The following TNFRSF11A variants were observed in gnomAD, a reference collection of about 807,000 sequenced individuals.
The protein encoded by TNFRSF11A is tumor necrosis factor receptor superfamily member 11A.
Under a neutral mutation model 55.7 loss-of-function variants are expected in TNFRSF11A, and 32 were observed. The ratio of observed to expected loss-of-function variants is 0.57; its 90% CI spans 0.43 to 0.77. TNFRSF11A has a LOEUF of 0.77. Ranked by LOEUF, TNFRSF11A falls within the 30% of genes least tolerant of loss-of-function variation. TNFRSF11A has a pLI of 0.00. For synonymous variants in TNFRSF11A, 311 were observed against 331.0 expected (o/e 0.94, Z 0.65); for missense variants, 753 against 809.8 (o/e 0.93, Z 0.85).
intron 1 of TNFRSF11A, among the ~76,000 whole-genome samples, chr18:62,328,747 G>T (rs2046110053): frequency 6.6e-6 from 1 of 152,196 alleles, no homozygotes; most frequent in Non-Finnish European, 1.5e-5. Context: ...CTTGTTTGGG[G>T]AGCACAGACA....
chr18:62,347,230 T>C (rs4500848), intron 1 of TNFRSF11A, among the ~76,000 whole-genome samples: 142,737 of 152,242 alleles, frequency 0.94, 67,132 homozygotes, highest in African/African-American at 0.99. Flanking sequence ...GCAAGTGTGG[T>C]GTGCATACGT....
intron 1 of TNFRSF11A, among the ~76,000 whole-genome samples, chr18:62,344,541 T>C (rs959365416): frequency 2.6e-5 from 4 of 152,252 alleles, no homozygotes; most frequent in African/African-American, 9.6e-5. Flanking sequence ...GAACATGTTT[T>C]TATCAAATGA....
chr18:62,341,835 G>GTTTTTT (rs1568475429), intron 1 of TNFRSF11A, among the ~76,000 whole-genome samples: 1 of 68,852 alleles, frequency 1.5e-5, no homozygotes, highest in Non-Finnish European at 2.5e-5. Flanking sequence ...GCTGAGAATG[G>GTTTTTT]CTTTTTTTTT....
chr18:62,337,992 G>A (rs887578255), intron 1 of TNFRSF11A, among the ~76,000 whole-genome samples: 4 of 152,084 alleles, frequency 2.6e-5, no homozygotes, highest in African/African-American at 7.2e-5. Flanking sequence ...CTATGAAAAC[G>A]GACAAAGGAC....
At position 62,389,941 on chromosome 18, in the gene TNFRSF11A, G is replaced by C. The variant is rs1911931745; in HGVS notation, c.*4907G>C. ...TGCAGCTACATCACTTCTTAGCCTT[G>C]TTTTCAACATGCGTAAGCAGAAGGT... On this transcript the variant is annotated 3_prime_UTR_variant, in exon 10 of 10. Transcript: ENST00000586569. 2.6e-5 allele frequency: 4 copies of C among 152,208 alleles called. No individual in the cohort carries two copies. Among genetic ancestry groups the C allele is most frequent in the Admixed American group, 2.6e-4 (4 of 15,276 alleles). 9.4% of individuals were successfully genotyped at this position (152,208 alleles called of 1,614,324 possible). A position where few individuals can be genotyped will look rare whatever the true frequency, so the allele number is the denominator to read the frequency against.
At chr18:62,333,785 C>T (rs548539420) in intron 1 of TNFRSF11A, among the ~76,000 whole-genome samples, 1 of 152,242 alleles carries the variant, frequency 6.6e-6, no homozygotes, top group African/African-American at 2.4e-5. Context: ...TATTTGGGGA[C>T]ACCCATGCAA....
chr18:62,384,857 C>A lies in TNFRSF11A; in HGVS notation c.1674C>A (p.Gly558=), dbSNP rs551814533. The change falls in exon 10 of 10, where the codon GGC becomes GGA. Residue 558 remains glycine, a synonymous_variant. Transcript: ENST00000586569. Reference sequence around the variant, plus strand: ...ACGTCAGCCAGACCTCGCAGGAGGGCGCGGCGGCGGCTGCGGAGCCCATGG... The same window carrying A: ...ACGTCAGCCAGACCTCGCAGGAGGGAGCGGCGGCGGCTGCGGAGCCCATGG... ...VVYVSQTSQE[G]AAAAAEPMGR... 1.2e-6 allele frequency: 2 copies of A among 1,606,286 alleles called. No individual in the cohort carries two copies. The highest frequency in any genetic ancestry group is 8.5e-7 in the Non-Finnish European group (1 of 1,176,668).
At chr18:62,332,201 G>C (rs181837761) in intron 1 of TNFRSF11A, among the ~76,000 whole-genome samples, 20 of 152,280 alleles carry the variant, frequency 1.3e-4, no homozygotes, top group African/African-American at 4.8e-4. Flanking sequence ...TGGCTGGTTT[G>C]GGGTTCGCAT....
At chr18:62,384,126 T>C (rs1380269599) in intron 9 of TNFRSF11A, among the ~76,000 whole-genome samples, 1 of 152,212 alleles carries the variant, frequency 6.6e-6, no homozygotes, top group Non-Finnish European at 1.5e-5. Context: ...GAATCTTGTC[T>C]GTGATTCTGT....
chr18:62,354,201 C>T (rs1453349244), intron 3 of TNFRSF11A, among the ~76,000 whole-genome samples, 190 bp from the exon 4 acceptor site: 1 of 152,214 alleles, frequency 6.6e-6, no homozygotes, highest in Non-Finnish European at 1.5e-5. Context: ...CCCCCCGTGA[C>T]GTTTTCGTGC....
At chr18:62,373,855 C>T (rs1437955714) in intron 9 of TNFRSF11A, 1 of 152,344 alleles carries the variant, frequency 6.6e-6, no homozygotes, top group South Asian at 2.1e-4. Flanking sequence ...TCCTCAGTCT[C>T]CGTCCCTGGT....
At chr18:62,369,730 C>T (rs980532695) in intron 9 of TNFRSF11A, among the ~76,000 whole-genome samples, 5 of 152,226 alleles carry the variant, frequency 3.3e-5, no homozygotes, top group African/African-American at 9.6e-5. Context: ...CCATGCATAT[C>T]CCATACCCTT....
intron 1 of TNFRSF11A, among the ~76,000 whole-genome samples, chr18:62,339,240 G>C (rs985301017): frequency 2.6e-5 from 4 of 151,934 alleles, no homozygotes; most frequent in African/African-American, 9.7e-5. Flanking sequence ...GAACATACCT[G>C]CCCAGCCCCC....
chr18:62,341,493 G>A (rs2046309280), intron 1 of TNFRSF11A, among the ~76,000 whole-genome samples: 1 of 152,142 alleles, frequency 6.6e-6, no homozygotes, highest in Non-Finnish European at 1.5e-5. Context: ...CCCCTTTCTA[G>A]TGACACCCTT....
chr18:62,373,329 T>C (rs1356039489), intron 9 of TNFRSF11A, among the ~76,000 whole-genome samples: 1 of 152,118 alleles, frequency 6.6e-6, no homozygotes, highest in African/African-American at 2.4e-5. Context: ...CATGGTGGCA[T>C]GCGCCTGGAA....
At chr18:62,358,696 TTG>T (rs376436289) in intron 5 of TNFRSF11A, among the ~76,000 whole-genome samples, 1 of 152,000 alleles carries the variant, frequency 6.6e-6, no homozygotes, top group Non-Finnish European at 1.5e-5. Context: ...ATCCAGTTAT[TTG>T]TGTGTGTGTG....
At chr18:62,332,340 G>A (rs4485469) in intron 1 of TNFRSF11A, among the ~76,000 whole-genome samples, 85,842 of 152,044 alleles carry the variant, frequency 0.56, 24,473 homozygotes, top group African/African-American at 0.62. Flanking sequence ...CAGCTGGCAA[G>A]TTCATAGCCA....
In TNFRSF11A at chr18:62,347,683, C is replaced by CG. The variant is rs576960534; in HGVS notation, c.76-482dup. Among the ~76,000 whole-genome samples the CG allele has an allele frequency of 3.3e-4, 50 of 152,148 alleles. 1 individual carries two copies. The South Asian group carries it at 4.2e-3, about 13-fold the overall frequency. On this transcript the variant is annotated intron_variant, in intron 1 of 9. Coordinates refer to ENST00000586569, the MANE Select transcript of TNFRSF11A (RefSeq NM_003839.4). ...ATCCCAGCACTTTGGGAGGCCGAGG[C>CG]GGGTGGATCACCTGAGGTCAGGAGT...
chr18:62,348,187 C>T lies in TNFRSF11A; in HGVS notation c.95C>T (p.Pro32Leu), dbSNP rs752545698. The change falls in exon 2 of 10, where the codon CCT (proline) becomes CTT (leucine). Residue 32 changes from proline (P) to leucine (L), a missense_variant. Physicochemically the swap from Pro to Leu is moderately conservative, Grantham distance 98. This residue lies in a region of TNFRSF11A where 156 missense variants were observed against 155.1 expected (regional missense o/e 1.01). Transcript: ENST00000586569. ...ARLQVALQIA[P>L]PCTSEKHYEH... ...TTTCAGGTGGCTTTGCAGATCGCTC[C>T]TCCATGTACCAGTGAGAAGCATTAT... The T allele has an allele frequency of 9.9e-6, 16 of 1,613,982 alleles. No homozygotes were observed. Among genetic ancestry groups the T allele is most frequent in the Non-Finnish European group, 1.2e-5 (14 of 1,180,040 alleles).
Sources: gnomAD v4.1 joint callset for allele counts (sites outside exome capture counted in the v4.1 genomes callset) on GRCh38, gnomAD v4.1.1 for gene constraint, gnomAD v4.1.1 regional missense constraint, MANE v1.5 for transcripts, NCBI Gene and HGNC (gene_info 2026-07-23, HGNC 2026-07-21) for gene names.